The following MARCHF8 variants were observed in gnomAD, a reference collection of about 807,000 sequenced individuals.
The protein encoded by MARCHF8 is E3 ubiquitin-protein ligase MARCHF8.
In MARCHF8, 40 loss-of-function variants were observed where a neutral mutation model predicts 51.6. That is an observed-to-expected ratio of 0.77 (90% CI 0.60 to 1.01). The LOEUF (loss-of-function observed/expected upper bound fraction) is 1.01. Ranked by LOEUF, MARCHF8 falls within the 50% of genes least tolerant of loss-of-function variation. The pLI is 0.00. For synonymous variants in MARCHF8, 263 were observed against 280.3 expected (o/e 0.94, Z 0.62); for missense variants, 685 against 708.6 (o/e 0.97, Z 0.38).
intron 1 of MARCHF8, among the ~76,000 whole-genome samples, chr10:45,541,088 T>C (rs1490022122): frequency 6.6e-6 from 1 of 152,230 alleles, no homozygotes; most frequent in South Asian, 2.1e-4. Context: ...CAAAGGATTA[T>C]AAATCATGCT....
intron 2 of MARCHF8, among the ~76,000 whole-genome samples, chr10:45,506,790 G>T (rs535702652): frequency 6.6e-6 from 1 of 152,176 alleles, no homozygotes; most frequent in African/African-American, 2.4e-5. Context: ...TTGGGGTGGG[G>T]CAGTTTTATA....
At chr10:45,560,298 G>A (rs1221504833) in intron 1 of MARCHF8, among the ~76,000 whole-genome samples, 1 of 152,176 alleles carries the variant, frequency 6.6e-6, no homozygotes, top group African/African-American at 2.4e-5. Context: ...TTTTATAAAA[G>A]CTTTGGAAAA....
chr10:45,481,894 A>G (rs2133047292), intron 3 of MARCHF8, among the ~76,000 whole-genome samples: 1 of 152,304 alleles, frequency 6.6e-6, no homozygotes, highest in East Asian at 1.9e-4. Flanking sequence ...CCCTTTTTGC[A>G]GATGATATGA....
At position 45,456,567 on chromosome 10, in the gene MARCHF8, G is replaced by C. The variant is rs1163181227; in HGVS notation, c.*1672C>G. ...CTCTGAAAGGCAAAGGAATCACCTCGTGTTTGCTTCATCCCCTTAGCAGGA... is the reference window on the plus strand; with the variant it reads ...CTCTGAAAGGCAAAGGAATCACCTCCTGTTTGCTTCATCCCCTTAGCAGGA... On this transcript the variant is annotated 3_prime_UTR_variant, in exon 8 of 8. Coordinates refer to ENST00000453424, the MANE Select transcript of MARCHF8 (RefSeq NM_001282866.2). 6.6e-6 allele frequency: 1 copy of C among 152,138 alleles called. No individual in the cohort carries two copies. The highest frequency in any genetic ancestry group is 2.4e-5 in the African/African-American group (1 of 41,394). 9.4% of individuals were successfully genotyped at this position (152,138 alleles called of 1,614,324 possible). A position where few individuals can be genotyped will look rare whatever the true frequency, so the allele number is the denominator to read the frequency against.
At chr10:45,568,311 AATAACAGTG>A in intron 1 of MARCHF8, among the ~76,000 whole-genome samples, 1 of 152,292 alleles carries the variant, frequency 6.6e-6, no homozygotes, top group East Asian at 1.9e-4. Context: ...TACTGCATTG[AATAACAGTG>A]GTGACAGTGG....
upstream of MARCHF8, among the ~76,000 whole-genome samples, chr10:45,537,117 C>A (rs1409165256): frequency 6.6e-6 from 1 of 151,992 alleles, no homozygotes; most frequent in Non-Finnish European, 1.5e-5. Context: ...TATGACCCAA[C>A]AACTTCAATC....
intron 1 of MARCHF8, among the ~76,000 whole-genome samples, chr10:45,543,569 C>G (rs554873817): frequency 6.6e-6 from 1 of 152,054 alleles, no homozygotes; most frequent in Admixed American, 6.6e-5. Flanking sequence ...GAGGCCGAGG[C>G]AGGCGGATCA....
At chr10:45,556,970 A>G (rs1422632201) in intron 1 of MARCHF8, among the ~76,000 whole-genome samples, 3 of 152,180 alleles carry the variant, frequency 2.0e-5, no homozygotes, top group Non-Finnish European at 4.4e-5. Context: ...AAAACACAAA[A>G]CATAAAATTT....
chr10:45,551,675 A>G (rs1051248713), intron 1 of MARCHF8, among the ~76,000 whole-genome samples: 1 of 152,202 alleles, frequency 6.6e-6, no homozygotes, highest in Non-Finnish European at 1.5e-5. Context: ...GACTGCCTTC[A>G]GCCTTGAACT....
chr10:45,587,835 A>C (rs936365420), intron 1 of MARCHF8, among the ~76,000 whole-genome samples: 7 of 152,206 alleles, frequency 4.6e-5, no homozygotes, highest in African/African-American at 1.4e-4. Context: ...AGGATAGAGA[A>C]AGGGGAAGAA....
chr10:45,550,820 T>C (rs1221599670), intron 1 of MARCHF8, among the ~76,000 whole-genome samples: 1 of 152,234 alleles, frequency 6.6e-6, no homozygotes, highest in African/African-American at 2.4e-5. Flanking sequence ...CATGTTCCCC[T>C]TTCCCTTCTT....
chr10:45,557,904 A>G (rs1476224960), intron 1 of MARCHF8, among the ~76,000 whole-genome samples: 1 of 152,202 alleles, frequency 6.6e-6, no homozygotes, highest in East Asian at 1.9e-4. Flanking sequence ...CTCATTCAAC[A>G]GACTTTTAGT....
At chr10:45,567,961 A>C (rs1445324577) in intron 1 of MARCHF8, among the ~76,000 whole-genome samples, 1 of 152,158 alleles carries the variant, frequency 6.6e-6, no homozygotes. Context: ...AATTTCTTGC[A>C]TCAGTGTTTT....
intron 2 of MARCHF8, among the ~76,000 whole-genome samples, chr10:45,502,145 A>T (rs964378463): frequency 6.6e-6 from 1 of 152,190 alleles, no homozygotes. Context: ...AGAAATGAAA[A>T]CACATGTTCA....
intron 1 of MARCHF8, among the ~76,000 whole-genome samples, chr10:45,557,569 A>G (rs1343701283): frequency 6.6e-6 from 1 of 152,210 alleles, no homozygotes; most frequent in Non-Finnish European, 1.5e-5. Context: ...AATAGAAAAC[A>G]ACCAGTCCTT....
At chr10:45,538,964 G>A (rs149395807), upstream of MARCHF8, among the ~76,000 whole-genome samples, 603 of 152,146 alleles carry the variant, frequency 4.0e-3, 11 homozygotes, top group East Asian at 0.054. Context: ...TGCACCAAGC[G>A]GACCTAATAG....
intron 2 of MARCHF8, among the ~76,000 whole-genome samples, chr10:45,524,510 GAAGCCACGCA>G (rs1231523871): frequency 6.6e-6 from 1 of 152,216 alleles, no homozygotes; most frequent in African/African-American, 2.4e-5. Context: ...GATGATTCAA[GAAGCCACGCA>G]AATGATCTCA....
chr10:45,477,912 T>C (rs1489388090), intron 3 of MARCHF8, among the ~76,000 whole-genome samples: 1 of 152,180 alleles, frequency 6.6e-6, no homozygotes, highest in Non-Finnish European at 1.5e-5. Flanking sequence ...CACTCAGATG[T>C]ATAAAGCAAA....
intron 3 of MARCHF8, among the ~76,000 whole-genome samples, chr10:45,482,633 A>C (rs182169712): frequency 2.0e-5 from 3 of 152,312 alleles, no homozygotes; most frequent in African/African-American, 7.2e-5. Context: ...ATGCACCTGT[A>C]ATCTCAGCTA....
Sources: allele counts gnomAD v4.1 joint callset (sites outside exome capture counted in the v4.1 genomes callset), GRCh38; gene constraint gnomAD v4.1.1; transcripts MANE v1.5; gene names NCBI Gene and HGNC (gene_info 2026-07-23, HGNC 2026-07-21).